The following RERG variants were observed in gnomAD, a reference collection of about 807,000 sequenced individuals.
The protein encoded by RERG is ras-related and estrogen-regulated growth inhibitor.
RERG carries 25 observed loss-of-function variants against 23.2 expected under a neutral mutation model. The observed-to-expected ratio is 1.08, with a 90% CI of 0.79 to 1.50. RERG has a LOEUF of 1.50. Ranked by LOEUF, RERG falls within the 40% of genes most tolerant of loss-of-function variation. RERG has a pLI of 0.00. For missense variants in RERG, 253 were observed against 250.1 expected (o/e 1.01, Z -0.08); for synonymous variants, 81 against 89.1 (o/e 0.91, Z 0.51).
At chr12:15,148,780 G>T (rs1012801281) in intron 2 of RERG, among the ~76,000 whole-genome samples, 1 of 141,346 alleles carries the variant, frequency 7.1e-6, no homozygotes, top group Non-Finnish European at 1.5e-5. Flanking sequence ...TGAAATTTTG[G>T]TCTGTACATG....
Position 15,214,693 on chromosome 12 carries a change from G to T in RERG, c.61+2736C>A, listed in dbSNP as rs532189021. ...GTTGCAGTCTATTTTCAAAATTGTT[G>T]CATATGAGCCAGGTGTGGTAGGACA... On this transcript the variant is annotated intron_variant, in intron 2 of 4. Transcript: ENST00000256953. 5.9e-4 allele frequency among the ~76,000 whole-genome samples: 90 copies of T among 152,162 alleles called. 2 individuals are homozygous for T. The highest frequency in any genetic ancestry group is 1.6e-4 in the Non-Finnish European group (11 of 68,046).
chr12:15,127,562 C>T (rs1863970977), intron 2 of RERG, among the ~76,000 whole-genome samples: 1 of 152,172 alleles, frequency 6.6e-6, no homozygotes, highest in Non-Finnish European at 1.5e-5. Context: ...CCTCACACCA[C>T]TATCAGCCCT....
At chr12:15,115,204 T>C (rs1346645008) in intron 3 of RERG, among the ~76,000 whole-genome samples, 2 of 152,164 alleles carry the variant, frequency 1.3e-5, no homozygotes, top group Non-Finnish European at 2.9e-5. Context: ...ACTGCTTCTA[T>C]TTGAACAACT....
chr12:15,211,693 T>C (rs1293790472), intron 2 of RERG, among the ~76,000 whole-genome samples: 1 of 152,162 alleles, frequency 6.6e-6, no homozygotes, highest in Non-Finnish European at 1.5e-5. Context: ...ATATTCTAAC[T>C]ACAAAGAAAT....
intron 3 of RERG, among the ~76,000 whole-genome samples, chr12:15,111,847 T>C (rs1281060708): frequency 2.0e-5 from 3 of 152,074 alleles, no homozygotes; most frequent in Non-Finnish European, 4.4e-5. Flanking sequence ...AGCTAATTTT[T>C]GTATTTTTAG....
chr12:15,172,051 A>G (rs1864784967), intron 2 of RERG, among the ~76,000 whole-genome samples: 1 of 152,170 alleles, frequency 6.6e-6, no homozygotes, highest in Admixed American at 6.6e-5. Context: ...AAATTTGCAG[A>G]GTTGTACAAC....
chr12:15,215,012 T>A (rs1865421046), intron 2 of RERG, among the ~76,000 whole-genome samples: 1 of 152,256 alleles, frequency 6.6e-6, no homozygotes, highest in Admixed American at 6.5e-5. Context: ...AGGAAAACAC[T>A]GTCTGTTTAT....
At chr12:15,173,021 T>A (rs913577911) in intron 2 of RERG, among the ~76,000 whole-genome samples, 1 of 152,098 alleles carries the variant, frequency 6.6e-6, no homozygotes, top group Non-Finnish European at 1.5e-5. Context: ...TTGTCACTTA[T>A]GCTTTTTGTG....
intron 2 of RERG, among the ~76,000 whole-genome samples, chr12:15,126,550 T>G (rs1863945380): frequency 6.6e-6 from 1 of 152,058 alleles, no homozygotes; most frequent in African/African-American, 2.4e-5. Context: ...CATAAATACT[T>G]GCAAGCTGAT....
chr12:15,196,600 T>C (rs899131317), intron 2 of RERG, among the ~76,000 whole-genome samples: 3 of 152,072 alleles, frequency 2.0e-5, no homozygotes, highest in Non-Finnish European at 4.4e-5. Context: ...CTCAAACACA[T>C]GAATGAGAGA....
At chr12:15,139,287 TTG>T (rs558440841) in intron 2 of RERG, among the ~76,000 whole-genome samples, 154 of 152,190 alleles carry the variant, frequency 1.0e-3, no homozygotes, top group African/African-American at 3.4e-3. Context: ...CTCTTTAATA[TTG>T]TGTTGGCTAC....
chr12:15,144,558 A>G (rs1214080387), intron 2 of RERG, among the ~76,000 whole-genome samples: 1 of 152,190 alleles, frequency 6.6e-6, no homozygotes, highest in Non-Finnish European at 1.5e-5. Context: ...AAAGGGATTG[A>G]TCACTTGTTT....
chr12:15,196,319 C>T (rs1156980200), intron 2 of RERG, among the ~76,000 whole-genome samples: 4 of 152,160 alleles, frequency 2.6e-5, no homozygotes, highest in Non-Finnish European at 5.9e-5. Context: ...ACCATCTCTT[C>T]TGACTGAAGA....
intron 2 of RERG, among the ~76,000 whole-genome samples, chr12:15,158,959 A>G (rs1864564240): frequency 6.6e-6 from 1 of 152,202 alleles, no homozygotes; most frequent in Non-Finnish European, 1.5e-5. Flanking sequence ...TTCTGAAACT[A>G]TGTAAATATC....
intron 2 of RERG, among the ~76,000 whole-genome samples, chr12:15,147,127 C>G (rs1864347883): frequency 6.6e-6 from 1 of 151,474 alleles, no homozygotes; most frequent in South Asian, 2.1e-4. Context: ...AGTAAAGGTT[C>G]ATGCCAGATC....
intron 2 of RERG, among the ~76,000 whole-genome samples, chr12:15,121,489 T>G (rs970601888): frequency 2.0e-5 from 3 of 152,218 alleles, no homozygotes; most frequent in Non-Finnish European, 4.4e-5. Context: ...AGTTTGAATA[T>G]TGATAAGGAT....
chr12:15,109,236 C>G lies in RERG; in HGVS notation c.474G>C (p.Glu158Asp). Residue 158 changes from glutamate to aspartate, a missense_variant, in exon 5 of 5, where the codon GAG (glutamate) becomes GAC (aspartate). Coordinates refer to ENST00000256953, the MANE Select transcript of RERG (RefSeq NM_032918.3). ...SACTGEGNIT[E>D]IFYELCREVR... ...CCTCTCGACACAATTCATAGAATAT[C>G]TCTGTGATGTTCCCTTCTCCAGTGC... 6.2e-7 allele frequency: 1 copy of G among 1,614,170 alleles called. No individual in the cohort carries two copies. Among genetic ancestry groups the G allele is most frequent in the Non-Finnish European group, 8.5e-7 (1 of 1,180,018 alleles).
chr12:15,153,762 T>C (rs1254397686), intron 2 of RERG, among the ~76,000 whole-genome samples: 1 of 152,046 alleles, frequency 6.6e-6, no homozygotes, highest in African/African-American at 2.4e-5. Context: ...AGATAGATAG[T>C]GTTATGGGTT....
Position 15,217,418 on chromosome 12 carries a change from G to T in RERG, c.61+11C>A, listed in dbSNP as rs761237221. The T allele has an allele frequency of 3.1e-6, 5 of 1,603,578 alleles. No homozygotes were observed. Among genetic ancestry groups the T allele is most frequent in the Non-Finnish European group, 4.3e-6 (5 of 1,170,566 alleles). ...ACACACACACTATAACAACCACAAC[G>T]AAAATCTTACCTGACTTGCCCACGC... On this transcript the variant is annotated intron_variant, in intron 2 of 4. Coordinates refer to ENST00000256953, the MANE Select transcript of RERG (RefSeq NM_032918.3).
Sources: allele counts gnomAD v4.1 joint callset (sites outside exome capture counted in the v4.1 genomes callset), GRCh38; gene constraint gnomAD v4.1.1; transcripts MANE v1.5; gene names NCBI Gene and HGNC (gene_info 2026-07-23, HGNC 2026-07-21).